The following DENND1A variants were observed in gnomAD, a reference collection of about 807,000 sequenced individuals.
DENND1A encodes DENN domain containing 1A.
DENND1A carries 51 observed loss-of-function variants against 113.7 expected under a neutral mutation model. That is an observed-to-expected ratio of 0.45 (90% CI 0.36 to 0.57). The LOEUF is 0.57. DENND1A is among the 20% of genes least tolerant of loss of function. The pLI, the probability that DENND1A is intolerant of heterozygous loss-of-function variation, is 0.00. For missense variants in DENND1A, 1,258 were observed against 1,395.9 expected (o/e 0.90, Z 1.57); for synonymous variants, 565 against 570.8 (o/e 0.99, Z 0.14).
chr9:123,872,076 C>T (rs1407436517), intron 2 of DENND1A, among the ~76,000 whole-genome samples: 1 of 152,032 alleles, frequency 6.6e-6, no homozygotes, highest in African/African-American at 2.4e-5. Context: ...AGAGTTTTTG[C>T]AATTTGAGCT....
In DENND1A at chr9:123,497,324, T is replaced by C. The variant is rs1436019874; in HGVS notation, c.994-39427A>G. On this transcript the variant is annotated intron_variant, in intron 13 of 23. Transcript: ENST00000394215. ...ATTGTAAGGCTCTTTTATTTACTTA[T>C]TTTTTAAGAGATGAGGTCCCACTTT... Among the ~76,000 whole-genome samples, 4 of 152,186 alleles carry C rather than the reference T, an allele frequency of 2.6e-5. No individual in the cohort carries two copies. In the East Asian group the frequency reaches 7.7e-4, roughly 29 times the overall value.
intron 5 of DENND1A, among the ~76,000 whole-genome samples, chr9:123,757,336 CAT>C (rs1355532689): frequency 6.6e-6 from 1 of 152,174 alleles, no homozygotes; most frequent in African/African-American, 2.4e-5. Flanking sequence ...GCTACAGACA[CAT>C]ACTTTATTAA....
At chr9:123,874,241 T>G (rs1417606686) in intron 2 of DENND1A, among the ~76,000 whole-genome samples, 1 of 139,830 alleles carries the variant, frequency 7.2e-6, no homozygotes, top group Non-Finnish European at 1.6e-5. Flanking sequence ...TATTGGAAAA[T>G]ATCTTTGTAG....
At chr9:123,679,604 C>A (rs559576425) in intron 5 of DENND1A, among the ~76,000 whole-genome samples, 3 of 152,280 alleles carry the variant, frequency 2.0e-5, no homozygotes, top group Admixed American at 6.5e-5. Context: ...GTTTTGAAAC[C>A]GAAACCCAGC....
chr9:123,430,376 T>A (rs1231167703), intron 19 of DENND1A, among the ~76,000 whole-genome samples: 9 of 152,158 alleles, frequency 5.9e-5, no homozygotes, highest in Non-Finnish European at 1.3e-4. Context: ...ACTATAAAGA[T>A]ACATGCACAT....
At chr9:123,585,083 T>C (rs1279297973) in intron 11 of DENND1A, among the ~76,000 whole-genome samples, 5 of 143,852 alleles carry the variant, frequency 3.5e-5, no homozygotes, top group Non-Finnish European at 6.1e-5. Flanking sequence ...CAAGCCTCAC[T>C]AGGATTGAAA....
chr9:123,479,448 C>A (rs924224115), intron 13 of DENND1A, among the ~76,000 whole-genome samples: 1 of 152,208 alleles, frequency 6.6e-6, no homozygotes, highest in Non-Finnish European at 1.5e-5. Context: ...GGAAACCTTT[C>A]GGCTTTTCAG....
At chr9:123,409,272 A>ATTTTTTTCTTGACTGAAT (rs2044121534) in intron 20 of DENND1A, among the ~76,000 whole-genome samples, 7 of 151,582 alleles carry the variant, frequency 4.6e-5, no homozygotes, top group Admixed American at 3.9e-4. Flanking sequence ...CTACTGATTC[A>ATTTTTTTCTTGACTGAAT]TTTTTTTCTT....
intron 1 of DENND1A, among the ~76,000 whole-genome samples, chr9:123,902,237 TAATAA>T (rs918023893): frequency 1.3e-5 from 2 of 148,370 alleles, no homozygotes; most frequent in African/African-American, 5.0e-5. Context: ...AGAGAGAGAC[TAATAA>T]ACAGGCAGAG....
chr9:123,655,672 A>G (rs1409718570), intron 8 of DENND1A, among the ~76,000 whole-genome samples: 1 of 152,196 alleles, frequency 6.6e-6, no homozygotes, highest in African/African-American at 2.4e-5. Context: ...TGTTCATTTC[A>G]CAGCCAGGCC....
At chr9:123,432,383 C>G (rs569795481) in intron 19 of DENND1A, among the ~76,000 whole-genome samples, 1 of 152,176 alleles carries the variant, frequency 6.6e-6, no homozygotes, top group African/African-American at 2.4e-5. Context: ...CTGAGAAATG[C>G]ACCACCAATT....
At chr9:123,880,215 G>A (rs1848122695) in intron 1 of DENND1A, among the ~76,000 whole-genome samples, 2 of 152,208 alleles carry the variant, frequency 1.3e-5, no homozygotes, top group South Asian at 4.1e-4. Flanking sequence ...GTTTCACCAT[G>A]TTGGCCAGGC....
At chr9:123,680,560 T>A (rs1054539741) in intron 5 of DENND1A, among the ~76,000 whole-genome samples, 1 of 152,178 alleles carries the variant, frequency 6.6e-6, no homozygotes, top group African/African-American at 2.4e-5. Flanking sequence ...AATGACAGCA[T>A]CCTGCATCTA....
At chr9:123,721,421 C>G (rs2067326050) in intron 5 of DENND1A, among the ~76,000 whole-genome samples, 1 of 152,220 alleles carries the variant, frequency 6.6e-6, no homozygotes, top group Non-Finnish European at 1.5e-5. Flanking sequence ...CCTTCTCTCC[C>G]ATTCCTGTCC....
intron 13 of DENND1A, among the ~76,000 whole-genome samples, chr9:123,476,111 G>T (rs1029108312): frequency 6.6e-6 from 1 of 152,198 alleles, no homozygotes; most frequent in Admixed American, 6.5e-5. Context: ...TTGAACTTGG[G>T]AGGTGGAGGC....
At chr9:123,581,934 G>A (rs557902969) in intron 12 of DENND1A, among the ~76,000 whole-genome samples, 4 of 152,240 alleles carry the variant, frequency 2.6e-5, no homozygotes, top group Non-Finnish European at 5.9e-5. Flanking sequence ...GACAAGGGGA[G>A]AATGGGTCTA....
At chr9:123,395,615 AG>A (rs2043086072) in intron 21 of DENND1A, among the ~76,000 whole-genome samples, 1 of 152,038 alleles carries the variant, frequency 6.6e-6, no homozygotes, top group Non-Finnish European at 1.5e-5. Context: ...GCAGCCTGCC[AG>A]GGGGTAGAGC....
chr9:123,601,484 G>A (rs936607950), intron 11 of DENND1A, among the ~76,000 whole-genome samples: 16 of 152,196 alleles, frequency 1.1e-4, no homozygotes, highest in African/African-American at 3.6e-4. Flanking sequence ...AGCCTGCTGC[G>A]TTTGCAGTAG....
At chr9:123,690,181 G>A (rs1029466873) in intron 5 of DENND1A, among the ~76,000 whole-genome samples, 10 of 151,260 alleles carry the variant, frequency 6.6e-5, no homozygotes, top group Non-Finnish European at 1.5e-4. Flanking sequence ...GGAAAACAAG[G>A]GGTATACACC....
Sources: allele counts gnomAD v4.1 joint callset (sites outside exome capture counted in the v4.1 genomes callset), GRCh38; gene constraint gnomAD v4.1.1; transcripts MANE v1.5; gene names NCBI Gene and HGNC (gene_info 2026-07-23, HGNC 2026-07-21).